The following MAN1A2 variants were observed in gnomAD, a reference collection of about 807,000 sequenced individuals.
The protein encoded by MAN1A2 is mannosyl-oligosaccharide 1,2-alpha-mannosidase IB.
In MAN1A2, 26 loss-of-function variants were observed where a neutral mutation model predicts 75.7. The ratio of observed to expected loss-of-function variants is 0.34; its 90% CI spans 0.25 to 0.48. The LOEUF (loss-of-function observed/expected upper bound fraction) is 0.48, where lower values mean the gene tolerates loss of function less well. MAN1A2 is among the 20% of genes least tolerant of loss of function. MAN1A2 has a pLI of 0.99. For synonymous variants in MAN1A2, 247 were observed against 264.6 expected (o/e 0.93, Z 0.65); for missense variants, 562 against 775.5 (o/e 0.72, Z 3.27).
At chr1:117,375,918 T>TTG (rs1260807590) in intron 1 of MAN1A2, among the ~76,000 whole-genome samples, 2 of 150,672 alleles carry the variant, frequency 1.3e-5, no homozygotes, top group Non-Finnish European at 3.0e-5. Context: ...AATTTATGTT[T>TTG]TTTTTTTTTT....
At chr1:117,397,948 G>A (rs61809002) in intron 1 of MAN1A2, among the ~76,000 whole-genome samples, 18,278 of 151,906 alleles carry the variant, frequency 0.12, 1,158 homozygotes, top group Non-Finnish European at 0.14. Flanking sequence ...CACCACACCC[G>A]GCCTTACAAC....
intron 8 of MAN1A2, among the ~76,000 whole-genome samples, chr1:117,491,369 G>A (rs776086739): frequency 1.3e-5 from 2 of 151,984 alleles, no homozygotes; most frequent in African/African-American, 2.4e-5. Context: ...CTCCCTGTGT[G>A]GTCTGTAAAT....
At chr1:117,482,670 T>C (rs1650538188) in intron 8 of MAN1A2, among the ~76,000 whole-genome samples, 1 of 151,928 alleles carries the variant, frequency 6.6e-6, no homozygotes, top group Non-Finnish European at 1.5e-5. Flanking sequence ...ATTGCAAAAC[T>C]TTTCTCTCAT....
At chr1:117,470,899 C>T (rs1164847780) in intron 8 of MAN1A2, among the ~76,000 whole-genome samples, 1 of 151,954 alleles carries the variant, frequency 6.6e-6, no homozygotes, top group Non-Finnish European at 1.5e-5. Flanking sequence ...ATGATAATGT[C>T]TGTGACATGC....
chr1:117,467,808 T>A (rs1650027349), intron 8 of MAN1A2, among the ~76,000 whole-genome samples: 1 of 152,094 alleles, frequency 6.6e-6, no homozygotes. Context: ...ATTATGATAA[T>A]ATAATGATAT....
intron 5 of MAN1A2, among the ~76,000 whole-genome samples, chr1:117,435,866 T>G (rs1648830478): frequency 6.6e-6 from 1 of 152,184 alleles, no homozygotes; most frequent in Non-Finnish European, 1.5e-5. Context: ...GAGACCAGCC[T>G]GGCCAGCATG....
rs1651264390 is a variant in MAN1A2 at position 117,503,548 on chromosome 1, A to C, written c.1793+578A>C. 2.6e-5 allele frequency among the ~76,000 whole-genome samples: 4 copies of C among 151,666 alleles called. 1 individual carries two copies. In the South Asian group the frequency reaches 8.3e-4, roughly 31 times the overall value. ...CCAAACCCCAGGTAGAGGTCTCTGT[A>C]AACAGACCTGGAAGAGATGGAGATT... On this transcript the variant is annotated intron_variant, in intron 12 of 12. Transcript: ENST00000356554.
intron 5 of MAN1A2, among the ~76,000 whole-genome samples, chr1:117,437,110 G>C (rs2101805715): frequency 6.6e-6 from 1 of 152,232 alleles, no homozygotes; most frequent in South Asian, 2.1e-4. Context: ...CAGTGATACT[G>C]AAAAATTTAT....
intron 6 of MAN1A2, among the ~76,000 whole-genome samples, chr1:117,445,389 T>G (rs987013935): frequency 6.6e-6 from 1 of 152,198 alleles, no homozygotes; most frequent in Non-Finnish European, 1.5e-5. Context: ...AATTTTTGTT[T>G]GCAGAAATAA....
In MAN1A2 at chr1:117,367,854, A is replaced by C. The variant is rs1400772994; in HGVS notation, c.-330A>C. 4.0e-6 allele frequency: 1 copy of C among 248,206 alleles called. No individual in the cohort carries two copies. The highest frequency in any genetic ancestry group is 8.9e-5 in the East Asian group (1 of 11,236). 15.4% of individuals were successfully genotyped at this position (248,206 alleles called of 1,614,324 possible). A position where few individuals can be genotyped will look rare whatever the true frequency, so the allele number is the denominator to read the frequency against. ...GCATCTCACTGAGGTGCAGGAATGG[A>C]AGAACCCACCTTGCAGCTTTTCTGC... On this transcript the variant is annotated 5_prime_UTR_variant, in exon 1 of 13. Transcript: ENST00000356554.
chr1:117,384,600 G>A lies in MAN1A2; in HGVS notation c.302+16115G>A, dbSNP rs184029604. 1.6e-3 allele frequency among the ~76,000 whole-genome samples: 247 copies of A among 152,230 alleles called. 3 individuals are homozygous for A. Among genetic ancestry groups the A allele is most frequent in the Non-Finnish European group, 4.3e-4 (29 of 68,010 alleles). ...GTTACTGGGTAGGTGCTCTGCATAT[G>A]TTGGTTAGTCTTCTCTTTCCTTATT... On this transcript the variant is annotated intron_variant, in intron 1 of 12. Transcript: ENST00000356554.
chr1:117,514,730 T>G, intron 12 of MAN1A2: 5 of 471,686 alleles, frequency 1.1e-5, no homozygotes, highest in Non-Finnish European at 1.7e-5. Flanking sequence ...AGAGAATCAG[T>G]GGGATCATTG....
At chr1:117,386,983 G>A (rs1679821) in intron 1 of MAN1A2, among the ~76,000 whole-genome samples, 118,489 of 151,914 alleles carry the variant, frequency 0.78, 46,590 homozygotes, top group African/African-American at 0.87. Flanking sequence ...TGCAAATCAT[G>A]TATCTGATAA....
rs1486017875 is a variant in MAN1A2 at position 117,508,440 on chromosome 1, C to G, written c.1793+5470C>G. ...TGGGGCAGAAATTATGTCTGTGTCT[C>G]TTGCTTGTGTGCTTTTTTCCTCCGT... is the stretch of plus-strand genomic sequence containing the variant. On this transcript the variant is annotated intron_variant, in intron 12 of 12. Coordinates refer to ENST00000356554, the MANE Select transcript of MAN1A2 (RefSeq NM_006699.5). 3.3e-5 allele frequency among the ~76,000 whole-genome samples: 5 copies of G among 151,492 alleles called. No homozygotes were observed. The Admixed American group carries it at 3.3e-4, about 10-fold the overall frequency.
chr1:117,515,233 C>T (rs539559410), intron 12 of MAN1A2: 1 of 156,812 alleles, frequency 6.4e-6, no homozygotes, highest in Admixed American at 6.4e-5. Context: ...TGTCATTATT[C>T]CCTAGGCAAT....
At chr1:117,471,671 A>G (rs967017860) in intron 8 of MAN1A2, among the ~76,000 whole-genome samples, 12 of 151,504 alleles carry the variant, frequency 7.9e-5, no homozygotes, top group East Asian at 3.9e-4. Flanking sequence ...TTTTGTTTGT[A>G]TATTTTGTTT....
At chr1:117,489,812 G>A (rs993279807) in intron 8 of MAN1A2, among the ~76,000 whole-genome samples, 2 of 151,942 alleles carry the variant, frequency 1.3e-5, no homozygotes, top group African/African-American at 4.8e-5. Flanking sequence ...ATATTAATAT[G>A]CTTTTTCTTT....
chr1:117,417,506 A>G (rs1648032274), intron 4 of MAN1A2, among the ~76,000 whole-genome samples: 1 of 114,796 alleles, frequency 8.7e-6, no homozygotes, highest in South Asian at 3.0e-4. Context: ...TTCCATTTCT[A>G]TTGACTTTGG....
At chr1:117,442,111 T>G (rs1649056716) in intron 5 of MAN1A2, 120 bp from the exon 6 acceptor site, 4 of 580,070 alleles carry the variant, frequency 6.9e-6, no homozygotes, top group Non-Finnish European at 3.1e-6. Flanking sequence ...GAGATGCTTT[T>G]TCCTACCCTG....
Sources: allele counts gnomAD v4.1 joint callset (sites outside exome capture counted in the v4.1 genomes callset), GRCh38; gene constraint gnomAD v4.1.1; transcripts MANE v1.5; gene names NCBI Gene and HGNC (gene_info 2026-07-23, HGNC 2026-07-21).